Variants in CSMD1 observed in about 807,000 individuals in gnomAD.
CSMD1 encodes CUB and sushi domain-containing protein 1.
CSMD1 carries 213 observed loss-of-function variants against 417.5 expected under a neutral mutation model. The ratio of observed to expected loss-of-function variants is 0.51; its 90% CI spans 0.46 to 0.57. The LOEUF is 0.57. CSMD1 is among the 20% of genes least tolerant of loss of function. The probability of loss-of-function intolerance (pLI) is 0.00; values close to 1 mark genes in which losing one functional copy is unlikely to be tolerated. For missense variants in CSMD1, 6,923 were observed against 4,529.7 expected (o/e 1.53, Z -15.17); for synonymous variants, 2,862 against 1,736.8 (o/e 1.65, Z -16.11).
intron 3 of CSMD1, among the ~76,000 whole-genome samples, chr8:4,206,127 G>A (rs996546681): frequency 6.6e-6 from 1 of 152,132 alleles, no homozygotes; most frequent in Non-Finnish European, 1.5e-5. Flanking sequence ...AGGATAGGGA[G>A]GGTATTTTAC....
intron 1 of CSMD1, among the ~76,000 whole-genome samples, chr8:4,920,789 G>A (rs543394709): frequency 6.6e-6 from 1 of 150,786 alleles, no homozygotes; most frequent in South Asian, 2.1e-4. Flanking sequence ...TGCCATTGCG[G>A]TCCAGCCTGG....
intron 1 of CSMD1, among the ~76,000 whole-genome samples, chr8:4,768,274 G>A (rs563591120): frequency 1.3e-5 from 2 of 152,090 alleles, no homozygotes; most frequent in African/African-American, 4.8e-5. Flanking sequence ...TAACCTCCGA[G>A]AGAGCACAGG....
At chr8:4,037,026 G>C (rs541719646) in intron 3 of CSMD1, among the ~76,000 whole-genome samples, 3 of 151,782 alleles carry the variant, frequency 2.0e-5, no homozygotes, top group East Asian at 2.0e-4. Context: ...GTCCTGTCCA[G>C]GGCTGGTGAC....
chr8:3,960,700 A>C (rs949733315), intron 5 of CSMD1, among the ~76,000 whole-genome samples: 1 of 151,992 alleles, frequency 6.6e-6, no homozygotes, highest in Non-Finnish European at 1.5e-5. Context: ...AAATTTAATA[A>C]GATATATTTC....
intron 2 of CSMD1, among the ~76,000 whole-genome samples, chr8:4,550,560 G>C (rs1399413347): frequency 6.6e-6 from 1 of 151,984 alleles, no homozygotes; most frequent in Non-Finnish European, 1.5e-5. Context: ...TTTATTTTTT[G>C]AAACATTTTT....
chr8:3,305,050 A>G (rs1014209854), intron 25 of CSMD1, among the ~76,000 whole-genome samples: 4 of 152,124 alleles, frequency 2.6e-5, no homozygotes, highest in Non-Finnish European at 5.9e-5. Flanking sequence ...TAATTTAATT[A>G]ATTTATTTAC....
chr8:3,404,417 G>A lies in CSMD1; in HGVS notation c.2266+1610C>T, dbSNP rs1044950028. Among the ~76,000 whole-genome samples the A allele has an allele frequency of 2.0e-5, 3 of 152,050 alleles. No homozygotes were observed. In the East Asian group the frequency reaches 5.8e-4, roughly 29 times the overall value. ...TTTGGAGGTGGGACCAGGGCAGGAT[G>A]AGGTGGTGAAGGATCATGCCCCCAC... On this transcript the variant is annotated intron_variant, in intron 15 of 69. Transcript: ENST00000635120.
At chr8:4,567,000 C>A (rs1042694335) in intron 2 of CSMD1, among the ~76,000 whole-genome samples, 2 of 152,066 alleles carry the variant, frequency 1.3e-5, no homozygotes, top group Non-Finnish European at 2.9e-5. Flanking sequence ...CAATGAAATC[C>A]TGTATGTATT....
At chr8:4,236,475 G>C (rs1199250860) in intron 3 of CSMD1, among the ~76,000 whole-genome samples, 1 of 152,122 alleles carries the variant, frequency 6.6e-6, no homozygotes, top group African/African-American at 2.4e-5. Context: ...ACAACTGGCT[G>C]TATTCATGGG....
At chr8:4,806,287 G>T (rs936631435) in intron 1 of CSMD1, among the ~76,000 whole-genome samples, 11 of 152,094 alleles carry the variant, frequency 7.2e-5, no homozygotes, top group African/African-American at 2.4e-4. Context: ...CCCAAGTCCC[G>T]CTACACCCTA....
rs779345273 is a variant in CSMD1 at position 3,396,360 on chromosome 8, A to G, written c.2427T>C (p.Tyr809=). The G allele has an allele frequency of 6.3e-6, 10 of 1,593,860 alleles. No individual in the cohort carries two copies. The highest frequency in any genetic ancestry group is 4.5e-5 in the East Asian group (2 of 44,514). Reference sequence around the variant, plus strand: ...GCCCATCTCTGACCTCCAAGGTGTCATAATTGACCTCTGTCTGAAATCTGC... The same window carrying G: ...GCCCATCTCTGACCTCCAAGGTGTCGTAATTGACCTCTGTCTGAAATCTGC... ...TFDRFQTEVN[Y]DTLEVRDGPA... The change falls in exon 17 of 70, where the codon TAT becomes TAC. Residue 809 remains tyrosine, a synonymous_variant. Transcript: ENST00000635120.
In CSMD1 at chr8:4,032,019, T is replaced by G. The variant is rs1287765142; in HGVS notation, c.496A>C (p.Lys166Gln). 1 of 1,614,010 alleles carries G rather than the reference T, an allele frequency of 6.2e-7. No homozygotes were observed. Among genetic ancestry groups the G allele is most frequent in the South Asian group, 1.1e-5 (1 of 91,086 alleles). Reference protein sequence around the residue: ...LHGTRFNIGDKIRYSCLPGYI... With the variant: ...LHGTRFNIGDQIRYSCLPGYI... ...CCAGGGAGGCAGCTGTACCGGATTT[T>G]GTCTCCTATGTTGAATCTCGTTCCA... Residue 166 changes from lysine to glutamine, a missense_variant, in exon 4 of 70, where the codon AAA becomes CAA. Physicochemically the swap from Lys to Gln is moderately conservative, Grantham distance 53 (BLOSUM62 1). Transcript: ENST00000635120.
intron 3 of CSMD1, among the ~76,000 whole-genome samples, chr8:4,359,199 G>A (rs1454690833): frequency 6.6e-6 from 1 of 152,138 alleles, no homozygotes; most frequent in East Asian, 1.9e-4. Flanking sequence ...AAGTCCCAGA[G>A]CATGAGTTGC....
chr8:3,804,819 G>A (rs1800639420), intron 5 of CSMD1, among the ~76,000 whole-genome samples: 1 of 152,120 alleles, frequency 6.6e-6, no homozygotes, highest in Non-Finnish European at 1.5e-5. Flanking sequence ...TCTAATAATT[G>A]AGTACAACAC....
intron 50 of CSMD1, among the ~76,000 whole-genome samples, chr8:3,033,906 T>C (rs1810501831): frequency 6.6e-6 from 1 of 152,234 alleles, no homozygotes; most frequent in South Asian, 2.1e-4. Context: ...CAAGAGGATG[T>C]GGTTGTAACA....
Position 2,938,236 on chromosome 8 carries a change from C to T in CSMD1, c.*349G>A, listed in dbSNP as rs915604008. 2 of 208,202 alleles carry T rather than the reference C, an allele frequency of 9.6e-6. No individual in the cohort carries two copies. The highest frequency in any genetic ancestry group is 1.9e-5 in the Non-Finnish European group (2 of 105,068). 12.9% of individuals were successfully genotyped at this position (208,202 alleles called of 1,614,324 possible). A position where few individuals can be genotyped will look rare whatever the true frequency, so the allele number is the denominator to read the frequency against. Reference sequence around the variant, plus strand: ...TGAGGGACATATCCACGAGCCCAGACGATTGCATTGAAAGGCATCTCAGCA... The same window carrying T: ...TGAGGGACATATCCACGAGCCCAGATGATTGCATTGAAAGGCATCTCAGCA... On this transcript the variant is annotated 3_prime_UTR_variant, in exon 70 of 70. Coordinates refer to ENST00000635120, the MANE Select transcript of CSMD1 (RefSeq NM_033225.6).
chr8:4,452,850 GAGA>G (rs529032441), intron 2 of CSMD1, among the ~76,000 whole-genome samples: 1 of 152,244 alleles, frequency 6.6e-6, no homozygotes, highest in East Asian at 1.9e-4. Flanking sequence ...AAGGCAAAAT[GAGA>G]AGGTGATATA....
chr8:3,714,037 T>TAGATAGAC (rs1801677804), intron 6 of CSMD1, among the ~76,000 whole-genome samples: 1 of 149,418 alleles, frequency 6.7e-6, no homozygotes, highest in South Asian at 2.1e-4. Flanking sequence ...GATAGATAGA[T>TAGATAGAC]AGATAGATAG....
chr8:3,413,453 C>A (rs370188869), intron 12 of CSMD1, among the ~76,000 whole-genome samples: 7 of 152,184 alleles, frequency 4.6e-5, no homozygotes, highest in African/African-American at 1.7e-4. Flanking sequence ...TGGACAGAAC[C>A]TGTGTTGGAC....
Sources: gnomAD v4.1 joint callset for allele counts (sites outside exome capture counted in the v4.1 genomes callset) on GRCh38, gnomAD v4.1.1 for gene constraint, MANE v1.5 for transcripts, NCBI Gene and HGNC (gene_info 2026-07-23, HGNC 2026-07-21) for gene names.